Variants in POT1 observed in about 807,000 individuals in gnomAD.
The protein encoded by POT1 is protection of telomeres protein 1.
Under a neutral mutation model 78.5 loss-of-function variants are expected in POT1, and 47 were observed. That is an observed-to-expected ratio of 0.60 (90% CI 0.47 to 0.76). The LOEUF is 0.76. POT1 is among the 30% of genes least tolerant of loss of function. The probability of loss-of-function intolerance (pLI) is 0.00; values close to 1 mark genes in which losing one functional copy is unlikely to be tolerated. For missense variants in POT1, 646 were observed against 749.9 expected, an observed-to-expected ratio of 0.86 and a Z score of 1.62; for synonymous variants, 259 against 260.7, an observed-to-expected ratio of 0.99 and a Z score of 0.06.
chr7:124,838,315 G>A (rs1794943918), intron 14 of POT1, among the ~76,000 whole-genome samples: 1 of 151,750 alleles, frequency 6.6e-6, no homozygotes, highest in African/African-American at 2.4e-5. Flanking sequence ...CAACGGTAGA[G>A]GATACAAGGT....
intron 3 of POT1, among the ~76,000 whole-genome samples, chr7:124,913,533 T>G (rs1002395909): frequency 6.6e-6 from 1 of 152,198 alleles, no homozygotes; most frequent in Non-Finnish European, 1.5e-5. Flanking sequence ...TTGTAACATA[T>G]CTAACAATCC....
At chr7:124,924,728 A>G (rs921358793) in intron 2 of POT1, among the ~76,000 whole-genome samples, 2 of 152,122 alleles carry the variant, frequency 1.3e-5, no homozygotes. Flanking sequence ...ATACTAGCAA[A>G]TTGAATCCAA....
At position 124,823,912 on chromosome 7, in the gene POT1, C is replaced by G; in HGVS notation, c.*50G>C. The G allele has an allele frequency of 8.3e-7, 1 of 1,199,096 alleles. No individual in the cohort carries two copies. The highest frequency in any genetic ancestry group is 1.2e-6 in the Non-Finnish European group (1 of 814,878). The allele number at this position is 1,199,096 out of a possible 1,614,324, so 74.3% of individuals were successfully genotyped here. A position where few individuals can be genotyped will look rare whatever the true frequency, so the allele number is the denominator to read the frequency against. ...CTCAGGTCAGGAAAAGAAGCTCAAA[C>G]AGGGAAGGTGAGTGGCAACATTTTA... On this transcript the variant is annotated 3_prime_UTR_variant, in exon 19 of 19. Coordinates refer to ENST00000357628, the MANE Select transcript of POT1 (RefSeq NM_015450.3).
chr7:124,911,250 A>G (rs537066714), intron 3 of POT1, among the ~76,000 whole-genome samples: 13 of 152,206 alleles, frequency 8.5e-5, no homozygotes, highest in Non-Finnish European at 1.9e-4. Flanking sequence ...TAACAAAAGC[A>G]CCTTATCAAA....
At chr7:124,867,407 T>C (rs1795754951) in intron 7 of POT1, among the ~76,000 whole-genome samples, 1 of 152,162 alleles carries the variant, frequency 6.6e-6, no homozygotes. Flanking sequence ...ATAACTTACC[T>C]ACCACAATTT....
At chr7:124,824,314 G>C (rs181655936) in intron 18 of POT1, among the ~76,000 whole-genome samples, 1 of 151,772 alleles carries the variant, frequency 6.6e-6, no homozygotes, top group Non-Finnish European at 1.5e-5. Flanking sequence ...AGGTAACAGT[G>C]AGTACATCTT....
At chr7:124,865,950 A>AAT (rs1795712525) in intron 7 of POT1, among the ~76,000 whole-genome samples, 1 of 152,104 alleles carries the variant, frequency 6.6e-6, no homozygotes, top group Non-Finnish European at 1.5e-5. Flanking sequence ...GACTAAGGGT[A>AAT]ACACTTTGTT....
intron 6 of POT1, among the ~76,000 whole-genome samples, chr7:124,886,899 TAA>T (rs1297787059): frequency 6.6e-6 from 1 of 152,102 alleles, no homozygotes; most frequent in African/African-American, 2.4e-5. Flanking sequence ...TATCATATTT[TAA>T]GTTTTTTTTA....
chr7:124,880,634 C>T (rs558008262), intron 6 of POT1, among the ~76,000 whole-genome samples: 9 of 152,004 alleles, frequency 5.9e-5, no homozygotes, highest in Non-Finnish European at 8.8e-5. Flanking sequence ...ATGAAGATGT[C>T]AACTTTCCAA....
chr7:124,869,012 T>G (rs984151563), intron 7 of POT1, among the ~76,000 whole-genome samples: 4 of 152,016 alleles, frequency 2.6e-5, no homozygotes, highest in South Asian at 2.1e-4. Flanking sequence ...CTTAAAAAAT[T>G]TATAGTCATA....
At chr7:124,925,296 T>C (rs559739353) in intron 2 of POT1, among the ~76,000 whole-genome samples, 1 of 152,084 alleles carries the variant, frequency 6.6e-6, no homozygotes, top group African/African-American at 2.4e-5. Flanking sequence ...AAATCAGTAA[T>C]GTTTCTATAC....
chr7:124,888,455 G>A (rs1044683049), intron 6 of POT1, among the ~76,000 whole-genome samples: 5 of 152,042 alleles, frequency 3.3e-5, no homozygotes, highest in African/African-American at 1.2e-4. Flanking sequence ...GGTCCTTTGT[G>A]TTTCCATATG....
At chr7:124,862,425 G>T (rs1355971011) in intron 8 of POT1, among the ~76,000 whole-genome samples, 1 of 152,142 alleles carries the variant, frequency 6.6e-6, no homozygotes, top group Non-Finnish European at 1.5e-5. Context: ...CTCTAAGTTT[G>T]TTTGATTTTA....
chr7:124,885,810 T>C (rs567016708), intron 6 of POT1, among the ~76,000 whole-genome samples: 2 of 151,762 alleles, frequency 1.3e-5, no homozygotes, highest in South Asian at 2.1e-4. Flanking sequence ...TCATATAAAA[T>C]AAATTTTGAT....
At chr7:124,906,536 G>T (rs751066835) in intron 3 of POT1, among the ~76,000 whole-genome samples, 10 of 151,866 alleles carry the variant, frequency 6.6e-5, no homozygotes, top group Middle Eastern at 3.2e-3. Flanking sequence ...AATACCTAAT[G>T]TAAATGACAA....
chr7:124,875,039 C>T (rs1481989896), intron 6 of POT1, among the ~76,000 whole-genome samples: 1 of 151,986 alleles, frequency 6.6e-6, no homozygotes, highest in African/African-American at 2.4e-5. Flanking sequence ...CCCATTGGCT[C>T]CAGTTTTAGG....
At chr7:124,853,553 T>G (rs1795369361) in intron 9 of POT1, 1 of 152,608 alleles carries the variant, frequency 6.6e-6, no homozygotes. Flanking sequence ...GTTTAAGGAT[T>G]AATTAAATAT....
intron 6 of POT1, among the ~76,000 whole-genome samples, chr7:124,878,617 A>G (rs1182690477): frequency 6.6e-6 from 1 of 152,210 alleles, no homozygotes; most frequent in African/African-American, 2.4e-5. Context: ...AATTTAAAAT[A>G]AAAATTTAAA....
At chr7:124,831,096 CATT>C (rs1439224484) in intron 15 of POT1, among the ~76,000 whole-genome samples, 1 of 152,104 alleles carries the variant, frequency 6.6e-6, no homozygotes, top group Non-Finnish European at 1.5e-5. Flanking sequence ...CAAATAAAAA[CATT>C]ATGGATACCA....
Sources: allele counts gnomAD v4.1 joint callset (sites outside exome capture counted in the v4.1 genomes callset), GRCh38; gene constraint gnomAD v4.1.1; transcripts MANE v1.5; gene names NCBI Gene and HGNC (gene_info 2026-07-23, HGNC 2026-07-21).